The following WWOX variants were observed in gnomAD, a reference collection of about 807,000 sequenced individuals.
WWOX encodes WW domain-containing oxidoreductase.
Under a neutral mutation model 46.2 loss-of-function variants are expected in WWOX, and 69 were observed. That is an observed-to-expected ratio of 1.49 (90% CI 1.23 to 1.82). WWOX has a LOEUF of 1.82. Among genes scored for constraint, WWOX ranks in the 40% most tolerant of loss-of-function variants. WWOX has a pLI of 0.00. For missense variants in WWOX, 919 were observed against 542.6 expected (o/e 1.69, Z -6.89); for synonymous variants, 359 against 202.6 (o/e 1.77, Z -6.56).
chr16:78,997,485 C>G (rs922510859), intron 8 of WWOX, among the ~76,000 whole-genome samples: 1 of 152,146 alleles, frequency 6.6e-6, no homozygotes, highest in African/African-American at 2.4e-5. Flanking sequence ...GGGCTTTCTA[C>G]TCCAGATTTT....
chr16:78,829,606 C>T (rs1047137556), intron 8 of WWOX, among the ~76,000 whole-genome samples: 2 of 152,096 alleles, frequency 1.3e-5, no homozygotes, highest in Non-Finnish European at 2.9e-5. Context: ...GTGTCCAAGG[C>T]ACATATAGTC....
chr16:78,938,031 C>T (rs572785557), intron 8 of WWOX, among the ~76,000 whole-genome samples: 6 of 152,296 alleles, frequency 3.9e-5, no homozygotes, highest in Admixed American at 2.6e-4. Context: ...CCTCACCGTC[C>T]TATGGGGAGA....
At chr16:79,045,701 T>G in intron 8 of WWOX, among the ~76,000 whole-genome samples, 1 of 151,252 alleles carries the variant, frequency 6.6e-6, no homozygotes, top group South Asian at 2.1e-4. Context: ...ACACAGTGTG[T>G]GTGTGTGCAC....
rs2050590481 is a variant in WWOX, at chr16:79,166,161, C to T, written c.1057-45447C>T. 2.0e-5 allele frequency among the ~76,000 whole-genome samples: 3 copies of T among 152,190 alleles called. No individual in the cohort carries two copies. In the South Asian group the frequency reaches 6.2e-4, roughly 32 times the overall value. On this transcript the variant is annotated intron_variant, in intron 8 of 8. Transcript: ENST00000566780. ...ACTTTTTTTAATAGTGCAAACAAATCATCTTGTTTTTAGGAAAACATGAAA... is the reference window on the plus strand; with the variant it reads ...ACTTTTTTTAATAGTGCAAACAAATTATCTTGTTTTTAGGAAAACATGAAA...
chr16:79,195,238 G>T (rs1013379457), intron 8 of WWOX, among the ~76,000 whole-genome samples: 6 of 152,062 alleles, frequency 3.9e-5, no homozygotes, highest in African/African-American at 1.4e-4. Context: ...AGATTACTGG[G>T]GAGTGTTCTA....
intron 8 of WWOX, among the ~76,000 whole-genome samples, chr16:78,966,533 CT>C (rs1339859302): frequency 2.0e-5 from 3 of 151,864 alleles, no homozygotes; most frequent in Non-Finnish European, 4.4e-5. Flanking sequence ...AACTCTTCCC[CT>C]AATAGTGAAA....
chr16:78,881,871 C>G (rs1486849352), intron 8 of WWOX, among the ~76,000 whole-genome samples: 1 of 152,104 alleles, frequency 6.6e-6, no homozygotes, highest in Non-Finnish European at 1.5e-5. Flanking sequence ...GCCTGTAATC[C>G]CAGCACTTTG....
At chr16:79,063,654 G>C (rs2048392793) in intron 8 of WWOX, among the ~76,000 whole-genome samples, 1 of 152,210 alleles carries the variant, frequency 6.6e-6, no homozygotes, top group African/African-American at 2.4e-5. Flanking sequence ...GCGCTAGAGT[G>C]ATGTTTTTCC....
In WWOX at chr16:78,683,510, A is replaced by G. The variant is rs142467867; in HGVS notation, c.1056+250758A>G. On this transcript the variant is annotated intron_variant, in intron 8 of 8. Transcript: ENST00000566780. ...AGCCGAGGTTGTGCCACTGCACTCC[A>G]GCCTGGCTGACAGAGGGAGACTCTA... Among the ~76,000 whole-genome samples, 472 of 152,126 alleles carry G rather than the reference A, an allele frequency of 3.1e-3. 1 individual carries two copies. The highest frequency in any genetic ancestry group is 5.3e-3 in the Non-Finnish European group (361 of 67,996).
At chr16:79,088,445 C>G (rs956279248) in intron 8 of WWOX, among the ~76,000 whole-genome samples, 6 of 152,196 alleles carry the variant, frequency 3.9e-5, no homozygotes, top group Non-Finnish European at 7.3e-5. Flanking sequence ...CGTGGGCAGC[C>G]TGATGAGCAC....
chr16:78,468,300 G>C (rs1311156099), intron 8 of WWOX, among the ~76,000 whole-genome samples: 1 of 147,540 alleles, frequency 6.8e-6, no homozygotes, highest in Non-Finnish European at 1.5e-5. Context: ...ATGGTGAGCA[G>C]AACACTGTAC....
intron 8 of WWOX, among the ~76,000 whole-genome samples, chr16:78,930,290 T>TTG (rs1298336059): frequency 2.2e-5 from 2 of 91,572 alleles, no homozygotes; most frequent in Non-Finnish European, 4.9e-5. Context: ...TTTTTTTATT[T>TTG]TTTTTTTCAG....
At chr16:79,211,117 A>G (rs534610691) in intron 8 of WWOX, among the ~76,000 whole-genome samples, 2 of 152,020 alleles carry the variant, frequency 1.3e-5, no homozygotes, top group Admixed American at 6.6e-5. Context: ...TGGGCAAAGC[A>G]TAAAGGGATG....
chr16:78,867,622 C>G (rs1233473649), intron 8 of WWOX, among the ~76,000 whole-genome samples: 1 of 151,902 alleles, frequency 6.6e-6, no homozygotes, highest in Non-Finnish European at 1.5e-5. Flanking sequence ...TTCACTGCAA[C>G]TACAACATCC....
intron 8 of WWOX, among the ~76,000 whole-genome samples, chr16:78,729,905 G>A (rs1346644062): frequency 6.6e-6 from 1 of 152,108 alleles, no homozygotes; most frequent in East Asian, 1.9e-4. Context: ...ATTTAAACAA[G>A]ACTATGAATG....
chr16:78,406,561 G>C (rs979607006), intron 6 of WWOX, among the ~76,000 whole-genome samples: 6 of 150,536 alleles, frequency 4.0e-5, no homozygotes, highest in Non-Finnish European at 8.9e-5. Context: ...ATGTTGGCGA[G>C]GATGGTCTCA....
chr16:79,083,501 C>G (rs7206903), intron 8 of WWOX, among the ~76,000 whole-genome samples: 200 of 152,250 alleles, frequency 1.3e-3, no homozygotes, highest in African/African-American at 4.4e-3. Flanking sequence ...AGAACCTAGC[C>G]TATCTCACCT....
At chr16:79,021,751 G>A (rs2047537966) in intron 8 of WWOX, among the ~76,000 whole-genome samples, 1 of 152,128 alleles carries the variant, frequency 6.6e-6, no homozygotes, top group Non-Finnish European at 1.5e-5. Context: ...GTAACATTTT[G>A]GCCATCTGTG....
At chr16:78,688,895 T>C (rs892053915) in intron 8 of WWOX, among the ~76,000 whole-genome samples, 1 of 152,132 alleles carries the variant, frequency 6.6e-6, no homozygotes, top group Non-Finnish European at 1.5e-5. Context: ...CTCACAAGAT[T>C]TGATGGTTTT....
Sources: gnomAD v4.1 joint callset for allele counts (sites outside exome capture counted in the v4.1 genomes callset) on GRCh38, gnomAD v4.1.1 for gene constraint, MANE v1.5 for transcripts, NCBI Gene and HGNC (gene_info 2026-07-23, HGNC 2026-07-21) for gene names.